DOK6: variants seen among roughly 807,000 people sequenced by gnomAD.
DOK6 encodes the protein docking protein 6.
DOK6 carries 22 observed loss-of-function variants against 44.0 expected under a neutral mutation model. The observed-to-expected ratio is 0.50, with a 90% CI of 0.36 to 0.71. The LOEUF (loss-of-function observed/expected upper bound fraction) is 0.71, where lower values mean the gene tolerates loss of function less well. DOK6 is among the 30% of genes least tolerant of loss of function. The pLI is 0.00. For synonymous variants in DOK6, 166 were observed against 145.5 expected (o/e 1.14, Z -1.01); for missense variants, 340 against 416.4 (o/e 0.82, Z 1.60).
intron 1 of DOK6, among the ~76,000 whole-genome samples, chr18:69,511,652 T>C (rs1981368246): frequency 1.3e-5 from 2 of 152,318 alleles, no homozygotes; most frequent in East Asian, 3.8e-4. Flanking sequence ...TTAAAGATTT[T>C]TCATTTATTG....
At chr18:69,541,960 AG>A (rs1982280513) in intron 1 of DOK6, among the ~76,000 whole-genome samples, 1 of 151,534 alleles carries the variant, frequency 6.6e-6, no homozygotes, top group South Asian at 2.1e-4. Flanking sequence ...AATTTTAAAA[AG>A]AAAGGGAGTT....
intron 7 of DOK6, among the ~76,000 whole-genome samples, chr18:69,835,281 T>C (rs980457744): frequency 9.9e-5 from 15 of 152,114 alleles, no homozygotes; most frequent in Admixed American, 8.5e-4. Context: ...GCTAACACGG[T>C]GAAACCCCGT....
chr18:69,470,842 G>A (rs1457547048), intron 1 of DOK6, among the ~76,000 whole-genome samples: 1 of 152,324 alleles, frequency 6.6e-6, no homozygotes, highest in Admixed American at 6.5e-5. Context: ...TTAGGTGCTG[G>A]GGATAAAGCA....
At chr18:69,782,056 A>G (rs940831475) in intron 7 of DOK6, among the ~76,000 whole-genome samples, 2 of 152,038 alleles carry the variant, frequency 1.3e-5, no homozygotes, top group African/African-American at 4.8e-5. Context: ...GGTTAATAAA[A>G]TAATTACTGT....
chr18:69,562,129 T>C lies in DOK6; in HGVS notation c.67-2358T>C, dbSNP rs539604239. The stretch of plus-strand genomic sequence containing the variant: ...AATTATTGGAAAGAAAGATTCATTT[T>C]ATTACCTTGTCTTTAAACATATCTG... On this transcript the variant is annotated intron_variant, in intron 1 of 7. Transcript: ENST00000382713. Among the ~76,000 whole-genome samples, 15 of 152,346 alleles carry C rather than the reference T, an allele frequency of 9.8e-5. No homozygotes were observed. The South Asian group carries it at 3.1e-3, about 32-fold the overall frequency.
chr18:69,513,155 A>G (rs1199104941), intron 1 of DOK6, among the ~76,000 whole-genome samples: 2 of 152,204 alleles, frequency 1.3e-5, no homozygotes, highest in African/African-American at 4.8e-5. Context: ...TCAATACTTT[A>G]TGTTTTACCA....
intron 7 of DOK6, among the ~76,000 whole-genome samples, chr18:69,800,627 T>C (rs1418240189): frequency 1.3e-5 from 2 of 152,184 alleles, no homozygotes; most frequent in African/African-American, 4.8e-5. Context: ...TTCAGAAAGA[T>C]AGATTGTTTT....
intron 7 of DOK6, among the ~76,000 whole-genome samples, chr18:69,839,132 A>C (rs1599353971): frequency 1.9e-5 from 2 of 104,528 alleles, no homozygotes; most frequent in African/African-American, 3.9e-5. Context: ...CTTGTCCCTC[A>C]CCTAGACTCC....
chr18:69,448,480 T>G (rs1014965130), intron 1 of DOK6, among the ~76,000 whole-genome samples: 1 of 152,196 alleles, frequency 6.6e-6, no homozygotes, highest in Non-Finnish European at 1.5e-5. Flanking sequence ...CAAGTGATTC[T>G]CCTGCCTCAT....
rs953991565 is a variant in DOK6, at chr18:69,806,028, G to T, written c.857-35216G>T. 2.0e-5 allele frequency among the ~76,000 whole-genome samples: 3 copies of T among 151,632 alleles called. No homozygotes were observed. The East Asian group carries it at 5.8e-4, about 29-fold the overall frequency. On this transcript the variant is annotated intron_variant, in intron 7 of 7. Transcript: ENST00000382713. ...CTGCTTGAAAAAGTATAGGTTTTTT[G>T]CTTTCTTGTTTTTTCTTCAAAGTTT... is the stretch of plus-strand genomic sequence containing the variant.
chr18:69,640,358 T>A (rs999699251), intron 3 of DOK6, among the ~76,000 whole-genome samples: 4 of 152,216 alleles, frequency 2.6e-5, no homozygotes, highest in Non-Finnish European at 5.9e-5. Context: ...CTCATTCTTA[T>A]TTCATGAGAG....
At chr18:69,669,220 C>T (rs140444027) in intron 3 of DOK6, among the ~76,000 whole-genome samples, 6 of 152,204 alleles carry the variant, frequency 3.9e-5, no homozygotes, top group African/African-American at 9.6e-5. Context: ...GCAAAGTACC[C>T]GACAGGTAAT....
chr18:69,539,620 T>C (rs560475534), intron 1 of DOK6, among the ~76,000 whole-genome samples: 1 of 152,106 alleles, frequency 6.6e-6, no homozygotes, highest in Non-Finnish European at 1.5e-5. Flanking sequence ...TATAGAAAGC[T>C]TTCTTATTCC....
At chr18:69,733,098 G>A (rs1359801672) in intron 5 of DOK6, among the ~76,000 whole-genome samples, 1 of 152,102 alleles carries the variant, frequency 6.6e-6, no homozygotes, top group Non-Finnish European at 1.5e-5. Flanking sequence ...GGAGGCTGAG[G>A]TGGGCAGATT....
At chr18:69,752,427 A>C (rs1415483115) in intron 6 of DOK6, among the ~76,000 whole-genome samples, 1 of 152,102 alleles carries the variant, frequency 6.6e-6, no homozygotes, top group Admixed American at 6.6e-5. Context: ...TTTTTCTCAA[A>C]ATTTTTTAGT....
chr18:69,493,150 T>C (rs773765651), intron 1 of DOK6, among the ~76,000 whole-genome samples: 1 of 152,176 alleles, frequency 6.6e-6, no homozygotes, highest in Non-Finnish European at 1.5e-5. Context: ...TATATCAACA[T>C]AGAAGCACAA....
At chr18:69,637,397 A>T (rs80064891) in intron 3 of DOK6, among the ~76,000 whole-genome samples, 3,879 of 152,308 alleles carry the variant, frequency 0.025, 126 homozygotes, top group East Asian at 0.15. Flanking sequence ...ATAAAAAGAT[A>T]CTTTTATCCT....
chr18:69,401,877 C>A (rs1045347960), intron 1 of DOK6, among the ~76,000 whole-genome samples: 4 of 152,158 alleles, frequency 2.6e-5, no homozygotes, highest in African/African-American at 9.6e-5. Context: ...GGGACCCGCG[C>A]CCGCGTGCAG....
rs1442656365 is a variant in DOK6 at position 69,842,839 on chromosome 18, C to T, written c.*1456C>T. 6.6e-6 allele frequency: 1 copy of T among 152,068 alleles called. No homozygotes were observed. The highest frequency in any genetic ancestry group is 1.5e-5 in the Non-Finnish European group (1 of 68,020). 9.4% of individuals were successfully genotyped at this position (152,068 alleles called of 1,614,324 possible). On this transcript the variant is annotated 3_prime_UTR_variant, in exon 8 of 8. Transcript: ENST00000382713. Reference sequence around the variant, plus strand: ...GCCTAAGATGGTTATCTCTCAAATACTCTAGGGTGGGTTTAAAGAACAGTG... The same window carrying T: ...GCCTAAGATGGTTATCTCTCAAATATTCTAGGGTGGGTTTAAAGAACAGTG...
Sources: allele counts gnomAD v4.1 joint callset (sites outside exome capture counted in the v4.1 genomes callset), GRCh38; gene constraint gnomAD v4.1.1; transcripts MANE v1.5; gene names NCBI Gene and HGNC (gene_info 2026-07-23, HGNC 2026-07-21).